Variants in PRH1 observed in about 807,000 individuals in gnomAD.
PRH1 encodes proline rich protein HaeIII subfamily 1, also known as salivary acidic proline-rich phosphoprotein 1/2.
PRH1 carries 7 observed loss-of-function variants against 7.9 expected under a neutral mutation model. The ratio of observed to expected loss-of-function variants is 0.89; its 90% CI spans 0.50 to 1.67. The LOEUF is 1.67. PRH1 is among the 40% of genes most tolerant of loss of function. PRH1 has a pLI of 0.00. For missense variants in PRH1, 109 were observed against 223.6 expected, an observed-to-expected ratio of 0.49 and a Z score of 3.27; for synonymous variants, 45 against 80.8, an observed-to-expected ratio of 0.56 and a Z score of 2.38.
chr12:10,893,217 TAC>T (rs931624537), intron 2 of PRH1, among the ~76,000 whole-genome samples: 1 of 152,146 alleles, frequency 6.6e-6, no homozygotes, highest in Non-Finnish European at 1.5e-5. Flanking sequence ...TCAGGTAAAA[TAC>T]AGAGTGTGTC....
intron 1 of PRH1, chr12:11,061,224 G>A (rs1943585842): frequency 2.6e-6 from 3 of 1,167,454 alleles, no homozygotes; most frequent in Admixed American, 3.0e-5. Flanking sequence ...TTAGACTAAC[G>A]TTAGGTAAAA....
chr12:10,990,706 A>G (rs1939893207), intron 1 of PRH1, among the ~76,000 whole-genome samples: 1 of 152,128 alleles, frequency 6.6e-6, no homozygotes, highest in Admixed American at 6.6e-5. Flanking sequence ...AATAATTAGG[A>G]GTTGATGGCA....
At chr12:11,087,049 C>T (rs1490436392) in intron 1 of PRH1, among the ~76,000 whole-genome samples, 1 of 99,304 alleles carries the variant, frequency 1.0e-5, no homozygotes, top group East Asian at 2.4e-4. Context: ...TGTTCATTAT[C>T]GATTCGATAC....
At chr12:10,957,688 C>G (rs939341778) in intron 2 of PRH1, among the ~76,000 whole-genome samples, 1 of 151,954 alleles carries the variant, frequency 6.6e-6, no homozygotes, top group African/African-American at 2.4e-5. Flanking sequence ...GGCGTAATAT[C>G]CGGAACATAT....
intron 1 of PRH1, among the ~76,000 whole-genome samples, chr12:11,156,331 G>A (rs934689924): frequency 5.3e-5 from 8 of 151,932 alleles, no homozygotes; most frequent in Admixed American, 2.6e-4. Context: ...GCATTTATAT[G>A]TTAATTTGTT....
chr12:11,113,765 G>A (rs2264193), intron 1 of PRH1, among the ~76,000 whole-genome samples: 69,150 of 151,874 alleles, frequency 0.46, 16,536 homozygotes, highest in Non-Finnish European at 0.53. Context: ...AACTATCATC[G>A]GAGTGACAGG....
At chr12:10,890,999 AG>A (rs899887463) in intron 2 of PRH1, among the ~76,000 whole-genome samples, 4 of 152,070 alleles carry the variant, frequency 2.6e-5, no homozygotes, top group African/African-American at 9.7e-5. Flanking sequence ...TATATCCAAC[AG>A]GGCTATACTA....
In PRH1 at chr12:11,147,649, C is replaced by T. The variant is rs989309219; in HGVS notation, n.39+23773G>A. Among the ~76,000 whole-genome samples, 3 of 152,272 alleles carry T rather than the reference C, an allele frequency of 2.0e-5. 1 individual carries two copies. In the Middle Eastern group the frequency reaches 0.01, roughly 518 times the overall value. On this transcript the variant is annotated intron_variant and non_coding_transcript_variant, in intron 1 of 1. Coordinates refer to the PRH1 transcript ENST00000541175. ...CATTTAAGCAGTGACATCATCACAT[C>T]ATTATACTGTAAATTTGTCTATCTC...
At chr12:11,125,125 G>A (rs948376215) in intron 1 of PRH1, among the ~76,000 whole-genome samples, 6 of 152,252 alleles carry the variant, frequency 3.9e-5, no homozygotes, top group African/African-American at 1.4e-4. Context: ...TTACAGGCAT[G>A]AGCCACCATG....
chr12:11,037,116 C>A (rs1203046063), intron 1 of PRH1, among the ~76,000 whole-genome samples: 2 of 152,108 alleles, frequency 1.3e-5, no homozygotes, highest in African/African-American at 2.4e-5. Flanking sequence ...CGACCTCCAA[C>A]AATTAGGATT....
intron 1 of PRH1, among the ~76,000 whole-genome samples, chr12:11,041,288 CAAA>C (rs67144212): frequency 2.9e-4 from 24 of 81,366 alleles, no homozygotes; most frequent in Middle Eastern, 7.0e-3. Context: ...CAATGCAAAC[CAAA>C]AAAAAAAAAA....
intron 2 of PRH1, chr12:10,895,030 TA>T (rs1301079031): frequency 6.6e-6 from 1 of 152,098 alleles, no homozygotes; most frequent in Non-Finnish European, 1.5e-5. Flanking sequence ...TGCTGTCCCG[TA>T]AAATTAGAAG....
chr12:11,017,660 G>C (rs932583534), intron 1 of PRH1, among the ~76,000 whole-genome samples: 1 of 151,672 alleles, frequency 6.6e-6, no homozygotes, highest in African/African-American at 2.4e-5. Context: ...AAATTTTTTT[G>C]TATTTTTTTT....
intron 1 of PRH1, chr12:11,030,664 G>T (rs1330511601): frequency 6.2e-7 from 1 of 1,614,064 alleles, no homozygotes; most frequent in African/African-American, 1.3e-5. Flanking sequence ...AAGCTTTTAT[G>T]TGGACCTTGG....
At chr12:10,938,767 CA>C in intron 2 of PRH1, 2 of 1,613,756 alleles carry the variant, frequency 1.2e-6, no homozygotes, top group Non-Finnish European at 1.7e-6. Context: ...GGATGTTTAT[CA>C]GTGCAATATT....
upstream of PRH1, among the ~76,000 whole-genome samples, chr12:11,047,462 T>C (rs767509457): frequency 5.3e-5 from 8 of 151,906 alleles, no homozygotes; most frequent in Non-Finnish European, 8.8e-5. Flanking sequence ...ATTCAAGGGC[T>C]CAGAGGTGGC....
At chr12:11,013,447 ACT>A (rs774224208) in intron 1 of PRH1, among the ~76,000 whole-genome samples, 3 of 152,102 alleles carry the variant, frequency 2.0e-5, no homozygotes, top group Non-Finnish European at 4.4e-5. Context: ...ACAAAAAATA[ACT>A]CATATTTAAT....
Position 10,882,681 on chromosome 12 carries a change from G to T in PRH1, c.118C>A (p.Gln40Lys), listed in dbSNP as rs1949425060. Residue 40 changes from glutamine to lysine, a missense_variant, in exon 3 of 4, where the codon CAG becomes AAG. Around this residue, in one of 3 missense-constraint regions of PRH1, gnomAD observed 60 missense variants for 76.5 expected, o/e 0.78. Coordinates refer to ENST00000543626, the MANE Select transcript of PRH1 (RefSeq NM_001393989.1). ...LVISDGGDSE[Q>K]FLDEERQGPP... ...CCCTGACGCTCCTCATCTAGGAACT[G>T]CTCAGAGTCTCCTCCATCTGTGTGA... is the stretch of plus-strand genomic sequence containing the variant. 6.4e-7 allele frequency: 1 copy of T among 1,565,170 alleles called. No individual in the cohort carries two copies. The highest frequency in any genetic ancestry group is 1.2e-5 in the South Asian group (1 of 82,110).
chr12:11,069,436 A>C (rs921320202), intron 1 of PRH1, among the ~76,000 whole-genome samples: 1 of 97,152 alleles, frequency 1.0e-5, no homozygotes, highest in Non-Finnish European at 2.5e-5. Context: ...GATCTTGGGC[A>C]ATCTCATGTT....
Sources: gnomAD v4.1 joint callset for allele counts (sites outside exome capture counted in the v4.1 genomes callset) on GRCh38, gnomAD v4.1.1 for gene constraint, gnomAD v4.1.1 regional missense constraint, MANE v1.5 for transcripts, NCBI Gene and HGNC (gene_info 2026-07-23, HGNC 2026-07-21) for gene names.